ASIC2: variants seen among roughly 807,000 people sequenced by gnomAD.
ASIC2 encodes acid-sensing ion channel 2.
A neutral mutation model predicts 57.3 loss-of-function variants in ASIC2; 25 were observed. That is an observed-to-expected ratio of 0.44 (90% CI 0.32 to 0.61). The LOEUF is 0.61. ASIC2 is among the 20% of genes least tolerant of loss of function. The pLI is 0.06. For missense variants in ASIC2, 641 were observed against 738.1 expected (o/e 0.87, Z 1.52); for synonymous variants, 319 against 307.5 (o/e 1.04, Z -0.39).
At chr17:33,412,731 A>G (rs1910708193) in intron 1 of ASIC2, among the ~76,000 whole-genome samples, 1 of 152,118 alleles carries the variant, frequency 6.6e-6, no homozygotes, top group Non-Finnish European at 1.5e-5. Context: ...CCTGCTTCTG[A>G]GAGTGTGAGA....
rs1027015726 is a variant in ASIC2, at chr17:33,013,743, G to A, written c.*222C>T. 6.9e-6 allele frequency: 4 copies of A among 582,722 alleles called. No individual in the cohort carries two copies. The highest frequency in any genetic ancestry group is 1.9e-5 in the African/African-American group (1 of 53,524). 36.1% of individuals were successfully genotyped at this position (582,722 alleles called of 1,614,324 possible). A position where few individuals can be genotyped will look rare whatever the true frequency, so the allele number is the denominator to read the frequency against. Reference sequence around the variant, plus strand: ...AGGTTCGTTCTTGGACAGTTCCAGAGTGTGACTCATCTCTCCTAAGAGGGA... The same window carrying A: ...AGGTTCGTTCTTGGACAGTTCCAGAATGTGACTCATCTCTCCTAAGAGGGA... On this transcript the variant is annotated 3_prime_UTR_variant, in exon 10 of 10. Transcript: ENST00000225823.
chr17:33,596,582 C>T (rs1017315246), intron 1 of ASIC2, among the ~76,000 whole-genome samples: 36 of 152,312 alleles, frequency 2.4e-4, no homozygotes, highest in Non-Finnish European at 8.8e-5. Flanking sequence ...GTGTGTCTAA[C>T]ACAAAGAACC....
chr17:33,134,197 C>T (rs772032652), intron 1 of ASIC2, among the ~76,000 whole-genome samples: 9 of 152,218 alleles, frequency 5.9e-5, no homozygotes, highest in Non-Finnish European at 1.2e-4. Flanking sequence ...GTTACCATCC[C>T]CATTTTACAT....
chr17:33,517,799 T>C (rs1027015813), intron 1 of ASIC2, among the ~76,000 whole-genome samples: 3 of 151,982 alleles, frequency 2.0e-5, no homozygotes, highest in Admixed American at 6.6e-5. Flanking sequence ...TGTATACATA[T>C]GTAACAAACC....
chr17:33,531,060 CTTAA>C (rs757271703), intron 1 of ASIC2, among the ~76,000 whole-genome samples: 268 of 138,068 alleles, frequency 1.9e-3, no homozygotes, highest in Middle Eastern at 3.6e-3. Context: ...TAATTTTTAA[CTTAA>C]TTTATTAACT....
intron 1 of ASIC2, among the ~76,000 whole-genome samples, chr17:33,548,257 A>G (rs957002387): frequency 6.6e-6 from 1 of 152,220 alleles, no homozygotes; most frequent in African/African-American, 2.4e-5. Flanking sequence ...TTTAATTAAC[A>G]TGGAATACTT....
At chr17:33,740,123 T>C (rs9915369) in intron 1 of ASIC2, among the ~76,000 whole-genome samples, 3,190 of 152,198 alleles carry the variant, frequency 0.021, 123 homozygotes, top group African/African-American at 0.071. Context: ...CCAAGTACAA[T>C]ATATGCCTTG....
chr17:33,454,827 C>A (rs1380376041), intron 1 of ASIC2, among the ~76,000 whole-genome samples: 1 of 152,198 alleles, frequency 6.6e-6, no homozygotes, highest in South Asian at 2.1e-4. Flanking sequence ...GTGGAAGGAA[C>A]AGAGGGGCAA....
At chr17:33,250,168 T>C (rs989841684) in intron 1 of ASIC2, among the ~76,000 whole-genome samples, 3 of 152,222 alleles carry the variant, frequency 2.0e-5, no homozygotes, top group Non-Finnish European at 4.4e-5. Context: ...AGTAATACTA[T>C]ACTGTGTTTA....
At chr17:34,145,652 T>TC (rs2142139620) in intron 1 of ASIC2, among the ~76,000 whole-genome samples, 1 of 152,316 alleles carries the variant, frequency 6.6e-6, no homozygotes, top group East Asian at 1.9e-4. Flanking sequence ...AAAGTCACAT[T>TC]CCTCTTCTCT....
At chr17:33,593,215 A>T (rs1368180508) in intron 1 of ASIC2, among the ~76,000 whole-genome samples, 1 of 152,242 alleles carries the variant, frequency 6.6e-6, no homozygotes, top group African/African-American at 2.4e-5. Context: ...TTGTATGTGC[A>T]GGCACAGCTG....
chr17:33,320,717 A>C (rs1435443803), intron 1 of ASIC2, among the ~76,000 whole-genome samples: 1 of 152,178 alleles, frequency 6.6e-6, no homozygotes, highest in Non-Finnish European at 1.5e-5. Flanking sequence ...TGGAGCTACA[A>C]ACACCCATCT....
chr17:33,088,191 TAAAA>T (rs1379682666), intron 3 of ASIC2, among the ~76,000 whole-genome samples: 1 of 152,210 alleles, frequency 6.6e-6, no homozygotes, highest in Non-Finnish European at 1.5e-5. Context: ...ATTCAGGAGA[TAAAA>T]GAAAGAAACG....
At chr17:33,788,948 G>A (rs188347635) in intron 1 of ASIC2, among the ~76,000 whole-genome samples, 3 of 152,230 alleles carry the variant, frequency 2.0e-5, no homozygotes, top group East Asian at 3.9e-4. Context: ...GGATCAATAG[G>A]TGCAGCAAAC....
intron 1 of ASIC2, among the ~76,000 whole-genome samples, chr17:33,922,828 C>T (rs12451319): frequency 0.33 from 50,091 of 151,914 alleles, 8,849 homozygotes; most frequent in Admixed American, 0.4. Context: ...CACCATCTCA[C>T]GAATGGCAAG....
At chr17:33,418,871 A>T (rs1249264780) in intron 1 of ASIC2, among the ~76,000 whole-genome samples, 1 of 144,854 alleles carries the variant, frequency 6.9e-6, no homozygotes, top group African/African-American at 2.5e-5. Flanking sequence ...CAAACACCAC[A>T]TGTTCTCACT....
intron 1 of ASIC2, among the ~76,000 whole-genome samples, chr17:33,625,066 A>G (rs538317891): frequency 6.6e-6 from 1 of 152,222 alleles, no homozygotes; most frequent in East Asian, 1.9e-4. Context: ...GATCAATAGA[A>G]TACAACAGAA....
chr17:33,125,907 G>A (rs1038655393), intron 1 of ASIC2, among the ~76,000 whole-genome samples: 1 of 152,172 alleles, frequency 6.6e-6, no homozygotes, highest in South Asian at 2.1e-4. Flanking sequence ...GGACTAGGAT[G>A]GGGCAAATGA....
At chr17:33,464,512 CTT>C (rs375874366) in intron 1 of ASIC2, among the ~76,000 whole-genome samples, 3,593 of 40,812 alleles carry the variant, frequency 0.088, 67 homozygotes, top group Non-Finnish European at 0.11. Flanking sequence ...TTCTTTCTTT[CTT>C]TCTTTCTTTC....
Sources: gnomAD v4.1 joint callset for allele counts (sites outside exome capture counted in the v4.1 genomes callset) on GRCh38, gnomAD v4.1.1 for gene constraint, MANE v1.5 for transcripts, NCBI Gene and HGNC (gene_info 2026-07-23, HGNC 2026-07-21) for gene names.